ANKIB1: variants seen among roughly 807,000 people sequenced by gnomAD.
ANKIB1 encodes the protein ankyrin repeat and IBR domain containing 1.
ANKIB1 carries 43 observed loss-of-function variants against 122.1 expected under a neutral mutation model. The observed-to-expected ratio is 0.35, with a 90% confidence interval of 0.28 to 0.45. The LOEUF is 0.45. Among genes scored for constraint, ANKIB1 ranks in the 20% least tolerant of loss-of-function variants. ANKIB1 has a pLI of 1.00. For synonymous variants in ANKIB1, 390 were observed against 442.0 expected (o/e 0.88, Z 1.48); for missense variants, 992 against 1,329.5 (o/e 0.75, Z 3.95).
intron 1 of ANKIB1, among the ~76,000 whole-genome samples, chr7:92,257,649 G>A (rs1008679608): frequency 1.3e-5 from 2 of 152,128 alleles, no homozygotes; most frequent in African/African-American, 4.8e-5. Context: ...AAAATAAGCT[G>A]AGCATGGTGG....
chr7:92,354,823 C>T (rs768452731), intron 9 of ANKIB1, among the ~76,000 whole-genome samples: 6 of 151,778 alleles, frequency 4.0e-5, no homozygotes, highest in East Asian at 1.9e-4. Flanking sequence ...AATCTGTTCA[C>T]GCAAAAAGAC....
intron 1 of ANKIB1, among the ~76,000 whole-genome samples, chr7:92,257,870 A>G (rs1307152596): frequency 2.0e-5 from 3 of 152,218 alleles, no homozygotes; most frequent in South Asian, 2.1e-4. Context: ...TAAACCAACT[A>G]TTGAAACTCA....
chr7:92,280,825 C>T (rs1389739739), intron 1 of ANKIB1, among the ~76,000 whole-genome samples: 1 of 152,188 alleles, frequency 6.6e-6, no homozygotes, highest in Non-Finnish European at 1.5e-5. Flanking sequence ...TCCATAGCTG[C>T]CCAGGCATCA....
chr7:92,299,805 G>A (rs1239671420), intron 2 of ANKIB1, among the ~76,000 whole-genome samples: 2 of 151,508 alleles, frequency 1.3e-5, no homozygotes, highest in East Asian at 1.9e-4. Flanking sequence ...GGAACCTACA[G>A]TAATTTTGTT....
At chr7:92,371,387 C>A in intron 10 of ANKIB1, 90 bp from the exon 11 acceptor site, 1 of 1,083,198 alleles carries the variant, frequency 9.2e-7, no homozygotes, top group South Asian at 1.6e-5. Flanking sequence ...TGAGAGACAG[C>A]CTGCAAAGAA....
At chr7:92,332,798 A>T (rs534036116) in intron 5 of ANKIB1, among the ~76,000 whole-genome samples, 2 of 152,020 alleles carry the variant, frequency 1.3e-5, no homozygotes, top group Admixed American at 6.6e-5. Context: ...GAAATAATAC[A>T]TTTCTCCCCC....
chr7:92,329,176 C>T (rs947799862), intron 5 of ANKIB1, among the ~76,000 whole-genome samples: 20 of 152,098 alleles, frequency 1.3e-4, no homozygotes, highest in African/African-American at 4.6e-4. Context: ...TCATGTTGGC[C>T]AGGCTGGTCT....
At chr7:92,346,140 T>C (rs1270355992) in intron 7 of ANKIB1, among the ~76,000 whole-genome samples, 11 of 151,992 alleles carry the variant, frequency 7.2e-5, no homozygotes, top group Admixed American at 7.2e-4. Flanking sequence ...TTTTTTTTTC[T>C]TTTTTGAGAC....
At position 92,391,150 on chromosome 7, in the gene ANKIB1, TC is replaced by T. The variant is rs1396513530; in HGVS notation, c.2053-15del. On this transcript the variant is annotated splice_polypyrimidine_tract_variant and intron_variant, in intron 15 of 19. Coordinates refer to ENST00000265742, the MANE Select transcript of ANKIB1 (RefSeq NM_019004.2). ...TATGAAGCCTGTGATTTTTTTTTTT[TC>T]TCTGCTTACTATAGACAGACCTAGA... 1.7e-5 allele frequency: 26 copies of T among 1,563,496 alleles called. No homozygotes were observed. Among genetic ancestry groups the T allele is most frequent in the Admixed American group, 1.3e-4 (7 of 54,848 alleles).
At chr7:92,344,585 T>C (rs868228660) in intron 6 of ANKIB1, among the ~76,000 whole-genome samples, 15 of 152,142 alleles carry the variant, frequency 9.9e-5, no homozygotes, top group African/African-American at 3.6e-4. Context: ...ACAAAGTTAC[T>C]CTGTTTTCAT....
chr7:92,353,731 C>G (rs1803715691), intron 9 of ANKIB1, among the ~76,000 whole-genome samples: 1 of 152,196 alleles, frequency 6.6e-6, no homozygotes, highest in African/African-American at 2.4e-5. Context: ...ATTGTCTATA[C>G]TTATTATTAA....
intron 2 of ANKIB1, among the ~76,000 whole-genome samples, chr7:92,298,330 A>G (rs1802396317): frequency 6.6e-6 from 1 of 151,950 alleles, no homozygotes; most frequent in African/African-American, 2.4e-5. Context: ...GTAATATTTA[A>G]TATCAAATAT....
At chr7:92,261,380 T>C (rs1442907503) in intron 1 of ANKIB1, among the ~76,000 whole-genome samples, 1 of 140,286 alleles carries the variant, frequency 7.1e-6, no homozygotes, top group African/African-American at 2.7e-5. Flanking sequence ...AAGAAATTAC[T>C]ATGTTTTTTG....
At chr7:92,314,274 G>A (rs2131943414) in intron 3 of ANKIB1, among the ~76,000 whole-genome samples, 1 of 151,914 alleles carries the variant, frequency 6.6e-6, no homozygotes, top group African/African-American at 2.4e-5. Context: ...CTCCAGCCTG[G>A]GTGACAGAGC....
At chr7:92,283,815 G>A (rs1013377805) in intron 1 of ANKIB1, among the ~76,000 whole-genome samples, 1 of 152,076 alleles carries the variant, frequency 6.6e-6, no homozygotes, top group Non-Finnish European at 1.5e-5. Context: ...CTGTTTCCCA[G>A]GCTGGAGTGC....
intron 2 of ANKIB1, among the ~76,000 whole-genome samples, chr7:92,304,182 T>C (rs1285519217): frequency 1.3e-5 from 2 of 151,900 alleles, no homozygotes; most frequent in Non-Finnish European, 2.9e-5. Flanking sequence ...TTAGGAAGAG[T>C]CTCCTTTGAA....
At chr7:92,329,575 A>G (rs1803116400) in intron 5 of ANKIB1, among the ~76,000 whole-genome samples, 1 of 152,202 alleles carries the variant, frequency 6.6e-6, no homozygotes, top group South Asian at 2.1e-4. Context: ...TTAATCAAGT[A>G]TTCTACTGTA....
rs144206852 is a variant in ANKIB1, at chr7:92,283,933, G to A, written c.-90-10956G>A. Among the ~76,000 whole-genome samples the A allele has an allele frequency of 3.0e-3, 457 of 152,220 alleles. 3 individuals carry two copies. The highest frequency in any genetic ancestry group is 0.01 in the Middle Eastern group (3 of 294). The stretch of plus-strand genomic sequence containing the variant: ...CTATAGGCATGTGCCACCAGGCACA[G>A]CTAATATTTGTATTTTTAGTAGGGA... On this transcript the variant is annotated intron_variant, in intron 1 of 19. Transcript: ENST00000265742.
rs1169378066 is a variant in ANKIB1 at position 92,376,459 on chromosome 7, T to TA, written c.1617+4852_1617+4853insA. Among the ~76,000 whole-genome samples, 179 of 151,364 alleles carry TA rather than the reference T, an allele frequency of 1.2e-3. 1 individual carries two copies. Among genetic ancestry groups the TA allele is most frequent in the African/African-American group, 4.1e-3 (169 of 41,168 alleles). ...ACTTTTTTTTTATTTTTTATTTTTT[T>TA]TTTTTTTGAGACAAAGTCTCGCTCT... On this transcript the variant is annotated intron_variant, in intron 11 of 19. Coordinates refer to ENST00000265742, the MANE Select transcript of ANKIB1 (RefSeq NM_019004.2).
Sources: gnomAD v4.1 joint callset for allele counts (sites outside exome capture counted in the v4.1 genomes callset) on GRCh38, gnomAD v4.1.1 for gene constraint, MANE v1.5 for transcripts, NCBI Gene and HGNC (gene_info 2026-07-23, HGNC 2026-07-21) for gene names.